QRFPR: variants seen among roughly 807,000 people sequenced by gnomAD.
QRFPR encodes the protein pyroglutamylated RFamide peptide receptor.
QRFPR carries 37 observed loss-of-function variants against 31.3 expected under a neutral mutation model. That is an observed-to-expected ratio of 1.18 (90% confidence interval 0.91 to 1.56). The LOEUF (loss-of-function observed/expected upper bound fraction) is 1.56, where lower values mean the gene tolerates loss of function less well. Among genes scored for constraint, QRFPR ranks in the 40% most tolerant of loss-of-function variants. The pLI, the probability that QRFPR is intolerant of heterozygous loss-of-function variation, is 0.00. For synonymous variants in QRFPR, 197 were observed against 192.0 expected (o/e 1.03, Z -0.22); for missense variants, 542 against 532.5 (o/e 1.02, Z -0.18).
At position 121,335,183 on chromosome 4, in the gene QRFPR, G is replaced by C. The variant is rs191814592; in HGVS notation, c.561+1624C>G. On this transcript the variant is annotated intron_variant, in intron 3 of 5. Coordinates refer to ENST00000394427, the MANE Select transcript of QRFPR (RefSeq NM_198179.3). ...AATTATGTATTTAAAAAATATTTAG[G>C]GTATTTTTTAAACATATAAAAACAC... is the stretch of plus-strand genomic sequence containing the variant. 5.3e-5 allele frequency among the ~76,000 whole-genome samples: 8 copies of C among 151,498 alleles called. No homozygotes were observed. In the East Asian group the frequency reaches 1.6e-3, roughly 29 times the overall value.
chr4:121,365,540 T>C lies in QRFPR; in HGVS notation c.340+14768A>G, dbSNP rs1269660715. ...TATTATATATATTATATATAATATATATTATATATAATATATAATATATAT... is the reference window on the plus strand; with the variant it reads ...TATTATATATATTATATATAATATACATTATATATAATATATAATATATAT... On this transcript the variant is annotated intron_variant, in intron 1 of 5. Transcript: ENST00000394427. Among the ~76,000 whole-genome samples, 4 of 4,778 alleles carry C rather than the reference T, an allele frequency of 8.4e-4. 1 individual carries two copies. The highest frequency in any genetic ancestry group is 1.2e-3 in the Non-Finnish European group (4 of 3,430). The allele number at this position is 4,778 out of a possible 152,430, so 3.1% of individuals were successfully genotyped here.
rs989765989 is a variant in QRFPR at position 121,350,784 on chromosome 4, G to A, written c.341-10174C>T. Among the ~76,000 whole-genome samples the A allele has an allele frequency of 7.9e-5, 12 of 152,248 alleles. No individual in the cohort carries two copies. The South Asian group carries it at 1.9e-3, about 24-fold the overall frequency. On this transcript the variant is annotated intron_variant, in intron 1 of 5. Coordinates refer to ENST00000394427, the MANE Select transcript of QRFPR (RefSeq NM_198179.3). ...TTATATAAATATCAGCTAAAAGGTC[G>A]CTGTTGAGTGATATATTCATTGCAG...
chr4:121,330,577 A>G, intron 4 of QRFPR, 54 bp from the exon 5 acceptor site: 3 of 1,293,200 alleles, frequency 2.3e-6, no homozygotes, highest in African/African-American at 1.4e-5. Context: ...CAAATGTGCC[A>G]GCTTGATAGC....
At chr4:121,377,408 TA>T (rs1726376660) in intron 1 of QRFPR, among the ~76,000 whole-genome samples, 1 of 112,502 alleles carries the variant, frequency 8.9e-6, no homozygotes, top group African/African-American at 3.1e-5. Flanking sequence ...ACTATATATA[TA>T]TATATTTTTT....
chr4:121,373,602 C>G (rs1447299899), intron 1 of QRFPR, among the ~76,000 whole-genome samples: 1 of 152,106 alleles, frequency 6.6e-6, no homozygotes. Flanking sequence ...TAAATTTCCC[C>G]AAGAACTCTA....
intron 1 of QRFPR, among the ~76,000 whole-genome samples, chr4:121,353,366 C>T (rs562460207): frequency 1.3e-5 from 2 of 152,074 alleles, no homozygotes; most frequent in Non-Finnish European, 2.9e-5. Context: ...TCTCCCCATC[C>T]TGGCCAGCAT....
At chr4:121,370,342 C>G in intron 1 of QRFPR, 1 of 754,780 alleles carries the variant, frequency 1.3e-6, no homozygotes, top group Admixed American at 1.7e-5. Flanking sequence ...TGTCTTGAAG[C>G]CATTGAAAGG....
At chr4:121,340,048 C>T in intron 2 of QRFPR, 1 of 168,042 alleles carries the variant, frequency 6.0e-6, no homozygotes, top group Non-Finnish European at 1.2e-5. Flanking sequence ...GTGGCTCATG[C>T]CTGTAATCAC....
intron 1 of QRFPR, among the ~76,000 whole-genome samples, chr4:121,343,183 G>C (rs987637510): frequency 3.3e-5 from 5 of 152,212 alleles, no homozygotes; most frequent in Non-Finnish European, 5.9e-5. Flanking sequence ...AACTGAAACT[G>C]ATGTTTACAT....
rs554235567 is a variant in QRFPR at position 121,367,845 on chromosome 4, G to A, written c.340+12463C>T. 1.9e-4 allele frequency among the ~76,000 whole-genome samples: 28 copies of A among 147,074 alleles called. 1 individual carries two copies. Among genetic ancestry groups the A allele is most frequent in the African/African-American group, 7.1e-4 (28 of 39,548 alleles). On this transcript the variant is annotated intron_variant, in intron 1 of 5. Transcript: ENST00000394427. ...AAAGCAAAGAGAAATTAATACCACA[G>A]TCAAACATTATCTTTGCCAACCTAC...
At chr4:121,333,739 T>C (rs78529962) in intron 3 of QRFPR, among the ~76,000 whole-genome samples, 3,994 of 152,286 alleles carry the variant, frequency 0.026, 80 homozygotes, top group South Asian at 0.055. Flanking sequence ...TAATAAATAA[T>C]AGAGAGTGCT....
chr4:121,338,415 C>A (rs1160942142), intron 2 of QRFPR, among the ~76,000 whole-genome samples: 1 of 152,164 alleles, frequency 6.6e-6, no homozygotes, highest in Non-Finnish European at 1.5e-5. Context: ...GGACCTAGGC[C>A]AAGCTTGTCC....
In QRFPR at chr4:121,336,866, C is replaced by T. The variant is rs752254960; in HGVS notation, c.502G>A (p.Val168Met). The T allele has an allele frequency of 1.2e-6, 2 of 1,614,036 alleles. No individual in the cohort carries two copies. Among genetic ancestry groups the T allele is most frequent in the Non-Finnish European group, 1.7e-6 (2 of 1,179,886 alleles). ...TNRRAFTMLG[V>M]VWLVAVIVGS... ...ACGATGACTGCCACCAGCCAGACCACACCTGTAAAAGTGTTAAAGTCATGA... is the reference window on the plus strand; with the variant it reads ...ACGATGACTGCCACCAGCCAGACCATACCTGTAAAAGTGTTAAAGTCATGA... The change falls in exon 3 of 6, where the codon GTG becomes ATG. Residue 168 changes from valine (V) to methionine (M), a missense_variant and splice_region_variant. Val to Met is a conservative substitution (Grantham distance 21). Transcript: ENST00000394427.
chr4:121,367,877 T>A (rs1726157179), intron 1 of QRFPR, among the ~76,000 whole-genome samples: 1 of 49,318 alleles, frequency 2.0e-5, no homozygotes, highest in Non-Finnish European at 3.7e-5. Flanking sequence ...CTACAACATT[T>A]GCAGATTTTT....
intron 1 of QRFPR, among the ~76,000 whole-genome samples, chr4:121,372,258 C>T (rs1040524174): frequency 6.6e-6 from 1 of 152,128 alleles, no homozygotes; most frequent in African/African-American, 2.4e-5. Flanking sequence ...ATAGGAGTGA[C>T]GATGGCGCTC....
intron 1 of QRFPR, among the ~76,000 whole-genome samples, chr4:121,341,542 C>T (rs546661331): frequency 6.6e-6 from 1 of 152,164 alleles, no homozygotes; most frequent in Non-Finnish European, 1.5e-5. Flanking sequence ...AAACCCAAAG[C>T]TTTTTTGAGT....
chr4:121,341,083 T>C (rs4833715), intron 1 of QRFPR, among the ~76,000 whole-genome samples: 23,807 of 152,248 alleles, frequency 0.16, 2,764 homozygotes, highest in East Asian at 0.54. Flanking sequence ...TAAGACTTTA[T>C]ATATGTATTA....
Position 121,380,329 on chromosome 4 carries a change from T to C in QRFPR, c.319A>G (p.Ile107Val), listed in dbSNP as rs919044452. 3.7e-6 allele frequency: 6 copies of C among 1,612,932 alleles called. No homozygotes were observed. In the Admixed American group the frequency reaches 5.0e-5, roughly 13 times the overall value. The change falls in exon 1 of 6, where the codon ATT (isoleucine) becomes GTT (valine). Residue 107 changes from isoleucine (I) to valine (V), a missense_variant. Coordinates refer to ENST00000394427, the MANE Select transcript of QRFPR (RefSeq NM_198179.3). ...FCIPVTMLQN[I>V]SDNWLGGAFI... ...TTACCCCCCAGCCAGTTGTCGGAAA[T>C]GTTCTGGAGCATGGTGACGGGAATG...
At chr4:121,374,627 A>C (rs1726316996) in intron 1 of QRFPR, among the ~76,000 whole-genome samples, 1 of 152,322 alleles carries the variant, frequency 6.6e-6, no homozygotes, top group South Asian at 2.1e-4. Flanking sequence ...CAATTAAATC[A>C]GAATCTCCAG....
Sources: allele counts gnomAD v4.1 joint callset (sites outside exome capture counted in the v4.1 genomes callset), GRCh38; gene constraint gnomAD v4.1.1; transcripts MANE v1.5; gene names NCBI Gene and HGNC (gene_info 2026-07-23, HGNC 2026-07-21).